The following TMTC1 variants were observed in gnomAD, a reference collection of about 807,000 sequenced individuals.
TMTC1 encodes protein O-mannosyl-transferase TMTC1.
A neutral mutation model predicts 104.8 loss-of-function variants in TMTC1; 73 were observed. The observed-to-expected ratio is 0.70, with a 90% CI of 0.58 to 0.85. TMTC1 has a LOEUF of 0.85. Ranked by LOEUF, TMTC1 falls within the 40% of genes least tolerant of loss-of-function variation. The pLI, the probability that TMTC1 is intolerant of heterozygous loss-of-function variation, is 0.00. For missense variants in TMTC1, 1,035 were observed against 1,096.1 expected (o/e 0.94, Z 0.79); for synonymous variants, 434 against 428.7 (o/e 1.01, Z -0.15).
intron 6 of TMTC1, among the ~76,000 whole-genome samples, chr12:29,614,212 C>A (rs985497729): frequency 6.6e-6 from 1 of 152,168 alleles, no homozygotes; most frequent in African/African-American, 2.4e-5. Context: ...CATGATTGAA[C>A]TTCTAGAGGA....
In TMTC1 at chr12:29,751,682, C is replaced by T; in HGVS notation, c.922G>A (p.Val308Met). The part of the protein sequence containing the change: ...SSGFPVSPRA[V>M]WSMMRFLTYS... ...GCCCAGTACCTCATCATGGACCACACAGCTCGTGGGGACACTGGGAATCCA... is the reference window on the plus strand; with the variant it reads ...GCCCAGTACCTCATCATGGACCACATAGCTCGTGGGGACACTGGGAATCCA... Residue 308 changes from valine to methionine, a missense_variant, in exon 5 of 18, where the codon GTG becomes ATG. Coordinates refer to ENST00000539277, the MANE Select transcript of TMTC1 (RefSeq NM_001193451.2). 1.2e-6 allele frequency: 2 copies of T among 1,614,146 alleles called. No individual in the cohort carries two copies. Among genetic ancestry groups the T allele is most frequent in the Non-Finnish European group, 1.7e-6 (2 of 1,180,026 alleles).
intron 14 of TMTC1, among the ~76,000 whole-genome samples, chr12:29,516,822 C>A (rs1944001759): frequency 6.6e-6 from 1 of 152,098 alleles, no homozygotes; most frequent in Admixed American, 6.6e-5. Flanking sequence ...AGCAAGATAA[C>A]AAATTTGATT....
chr12:29,659,893 A>T (rs966647757), intron 5 of TMTC1: 1 of 1,535,256 alleles, frequency 6.5e-7, no homozygotes, highest in Admixed American at 2.0e-5. Context: ...GTAAGAATGT[A>T]AGGCGAAAAT....
At chr12:29,607,290 G>A (rs1481781177) in intron 6 of TMTC1, among the ~76,000 whole-genome samples, 1 of 152,212 alleles carries the variant, frequency 6.6e-6, no homozygotes, top group African/African-American at 2.4e-5. Context: ...CCTGACTTGT[G>A]TTCACTGGTG....
At chr12:29,680,656 G>A (rs1470327531) in intron 5 of TMTC1, among the ~76,000 whole-genome samples, 1 of 152,160 alleles carries the variant, frequency 6.6e-6, no homozygotes, top group South Asian at 2.1e-4. Context: ...GATGAGAGTG[G>A]TGTAATTTGG....
intron 5 of TMTC1, among the ~76,000 whole-genome samples, chr12:29,698,570 T>G (rs1941492001): frequency 6.6e-6 from 1 of 152,184 alleles, no homozygotes; most frequent in South Asian, 2.1e-4. Context: ...GTTTCTAAGT[T>G]AGAGGAAAAC....
At chr12:29,710,991 T>TC (rs1417711677) in intron 5 of TMTC1, among the ~76,000 whole-genome samples, 4 of 138,916 alleles carry the variant, frequency 2.9e-5, no homozygotes, top group Non-Finnish European at 6.1e-5. Flanking sequence ...ATATATATTT[T>TC]TTCCCCCTCA....
chr12:29,690,117 G>GT (rs1368724636), intron 5 of TMTC1, among the ~76,000 whole-genome samples: 1 of 152,180 alleles, frequency 6.6e-6, no homozygotes, highest in African/African-American at 2.4e-5. Context: ...ATTTGCAAAA[G>GT]TAACTACATC....
chr12:29,586,641 T>C lies in TMTC1; in HGVS notation c.1251-3067A>G, dbSNP rs1592275929. On this transcript the variant is annotated intron_variant, in intron 7 of 17. Transcript: ENST00000539277. ...CCTAATTTATTGAGAGTTTTTAGCATGAAGGGTTGTTGAATTTTGTCAAAG... is the reference window on the plus strand; with the variant it reads ...CCTAATTTATTGAGAGTTTTTAGCACGAAGGGTTGTTGAATTTTGTCAAAG... Among the ~76,000 whole-genome samples, 7 of 151,838 alleles carry C rather than the reference T, an allele frequency of 4.6e-5. 1 individual carries two copies. The highest frequency in any genetic ancestry group is 4.6e-4 in the Admixed American group (7 of 15,262).
chr12:29,707,237 C>T (rs1482781291), intron 5 of TMTC1, among the ~76,000 whole-genome samples: 7 of 152,166 alleles, frequency 4.6e-5, no homozygotes, highest in African/African-American at 1.7e-4. Flanking sequence ...TCTGCCCCCA[C>T]TACTACCATG....
At chr12:29,654,297 C>A (rs977070266) in intron 5 of TMTC1, among the ~76,000 whole-genome samples, 1 of 152,076 alleles carries the variant, frequency 6.6e-6, no homozygotes, top group African/African-American at 2.4e-5. Context: ...TCTCCATCAA[C>A]GTAGTTCCAA....
At chr12:29,726,829 A>T (rs1342870055) in intron 5 of TMTC1, among the ~76,000 whole-genome samples, 1 of 152,242 alleles carries the variant, frequency 6.6e-6, no homozygotes, top group East Asian at 1.9e-4. Flanking sequence ...AGACTTACTT[A>T]GATTAAGAAA....
At chr12:29,777,481 T>C (rs577307923) in intron 1 of TMTC1, among the ~76,000 whole-genome samples, 2 of 152,216 alleles carry the variant, frequency 1.3e-5, no homozygotes, top group South Asian at 2.1e-4. Flanking sequence ...AGAAAAGACA[T>C]TGGTTGGTAA....
rs112968006 is a variant in TMTC1, at chr12:29,762,749, A to G, written c.481-3972T>C. Among the ~76,000 whole-genome samples, 4 of 152,336 alleles carry G rather than the reference A, an allele frequency of 2.6e-5. 1 individual carries two copies. The highest frequency in any genetic ancestry group is 9.6e-5 in the African/African-American group (4 of 41,570). ...TAATCTATAAGGAACTTGAGTACCA[A>G]ATCAGGAAGACTGCATGACTCAAGA... is the stretch of plus-strand genomic sequence containing the variant. On this transcript the variant is annotated intron_variant, in intron 2 of 17. Transcript: ENST00000539277.
intron 5 of TMTC1, among the ~76,000 whole-genome samples, chr12:29,747,251 A>C (rs1942976818): frequency 6.6e-6 from 1 of 152,168 alleles, no homozygotes; most frequent in Non-Finnish European, 1.5e-5. Context: ...CCTGAATTTG[A>C]TGTATTTAAG....
chr12:29,513,386 A>G (rs1252977052), intron 16 of TMTC1, among the ~76,000 whole-genome samples: 1 of 152,162 alleles, frequency 6.6e-6, no homozygotes, highest in Admixed American at 6.5e-5. Flanking sequence ...TAATGTTCAC[A>G]TTCGTTATAA....
At chr12:29,738,373 C>T (rs911255209) in intron 5 of TMTC1, among the ~76,000 whole-genome samples, 2 of 152,152 alleles carry the variant, frequency 1.3e-5, no homozygotes, top group South Asian at 2.1e-4. Flanking sequence ...ATTTTCCTTA[C>T]GTGAATACCG....
intron 14 of TMTC1, 85 bp downstream of exon 14, chr12:29,517,342 C>G: frequency 6.8e-7 from 1 of 1,468,634 alleles, no homozygotes; most frequent in Non-Finnish European, 9.3e-7. Context: ...CATTCCAGCT[C>G]CAGTTTTGAG....
intron 5 of TMTC1, among the ~76,000 whole-genome samples, chr12:29,673,448 G>A (rs1004607356): frequency 3.3e-5 from 5 of 152,002 alleles, no homozygotes; most frequent in Non-Finnish European, 7.4e-5. Flanking sequence ...TATTTTTAAA[G>A]GCATGCTTCT....
Sources: gnomAD v4.1 joint callset for allele counts (sites outside exome capture counted in the v4.1 genomes callset) on GRCh38, gnomAD v4.1.1 for gene constraint, MANE v1.5 for transcripts, NCBI Gene and HGNC (gene_info 2026-07-23, HGNC 2026-07-21) for gene names.